Variants in CSMD1 observed in about 807,000 individuals in gnomAD.
CSMD1 encodes the protein CUB and Sushi multiple domains 1, also known as CUB and sushi domain-containing protein 1.
Under a neutral mutation model 417.5 loss-of-function variants are expected in CSMD1, and 213 were observed. The observed-to-expected ratio is 0.51, with a 90% CI of 0.46 to 0.57. The LOEUF (loss-of-function observed/expected upper bound fraction) is 0.57, where lower values mean the gene tolerates loss of function less well. Ranked by LOEUF, CSMD1 falls within the 20% of genes least tolerant of loss-of-function variation. CSMD1 has a pLI of 0.00. For synonymous variants in CSMD1, 2,862 were observed against 1,736.8 expected, an observed-to-expected ratio of 1.65 and a Z score of -16.11; for missense variants, 6,923 against 4,529.7, an observed-to-expected ratio of 1.53 and a Z score of -15.17.
At position 4,755,050 on chromosome 8, in the gene CSMD1, A is replaced by C. The variant is rs370331437; in HGVS notation, c.86-117492T>G. On this transcript the variant is annotated intron_variant, in intron 1 of 69. Transcript: ENST00000635120. ...CTACTTGGGAGGCTGAGGCAGAAGAATTGCTTGAACCCGGGAGGCGGAAGT... is the reference window on the plus strand; with the variant it reads ...CTACTTGGGAGGCTGAGGCAGAAGACTTGCTTGAACCCGGGAGGCGGAAGT... Among the ~76,000 whole-genome samples, 17 of 150,420 alleles carry C rather than the reference A, an allele frequency of 1.1e-4. No homozygotes were observed. The South Asian group carries it at 3.2e-3, about 28-fold the overall frequency.
chr8:4,511,733 G>C (rs1048920893), intron 2 of CSMD1, among the ~76,000 whole-genome samples: 6 of 152,130 alleles, frequency 3.9e-5, no homozygotes, highest in African/African-American at 1.4e-4. Context: ...TGTTCCCCAA[G>C]AGAACTCAGT....
rs147316003 is a variant in CSMD1, at chr8:3,297,089, C to T, written c.3950+10606G>A. On this transcript the variant is annotated intron_variant, in intron 25 of 69. Transcript: ENST00000635120. ...CATATGTTTGCCATTAAGCAGAAAG[C>T]ATCCTAGAGCTGGAAATAATTCTAA... Among the ~76,000 whole-genome samples, 102 of 152,280 alleles carry T rather than the reference C, an allele frequency of 6.7e-4. 1 individual carries two copies. The highest frequency in any genetic ancestry group is 2.3e-3 in the African/African-American group (95 of 41,564).
chr8:4,004,766 A>G (rs528704744), intron 4 of CSMD1, among the ~76,000 whole-genome samples: 1 of 151,944 alleles, frequency 6.6e-6, no homozygotes, highest in Non-Finnish European at 1.5e-5. Context: ...TGTTTTTGAG[A>G]TGGCGTCTCA....
chr8:4,277,604 A>C (rs1020076838), intron 3 of CSMD1, among the ~76,000 whole-genome samples: 5 of 152,182 alleles, frequency 3.3e-5, no homozygotes, highest in African/African-American at 1.2e-4. Flanking sequence ...GTTCACTATG[A>C]GGTGTCTCAT....
chr8:3,903,389 T>C (rs559658768), intron 5 of CSMD1, among the ~76,000 whole-genome samples: 24 of 152,266 alleles, frequency 1.6e-4, no homozygotes, highest in African/African-American at 5.8e-4. Flanking sequence ...TATGTCATTA[T>C]CATAAGCTTT....
intron 11 of CSMD1, among the ~76,000 whole-genome samples, chr8:3,491,757 T>C (rs1818393009): frequency 6.6e-6 from 1 of 152,210 alleles, no homozygotes; most frequent in African/African-American, 2.4e-5. Flanking sequence ...ACAGACTGCA[T>C]CTTTTTACTA....
intron 3 of CSMD1, among the ~76,000 whole-genome samples, chr8:4,201,441 G>A (rs929336649): frequency 3.1e-4 from 46 of 150,708 alleles, no homozygotes; most frequent in Admixed American, 7.3e-4. Context: ...AGGAGGCTGA[G>A]GCAGGAGAAT....
At chr8:3,553,764 G>C (rs980327683) in intron 10 of CSMD1, among the ~76,000 whole-genome samples, 2 of 152,276 alleles carry the variant, frequency 1.3e-5, no homozygotes, top group East Asian at 1.9e-4. Flanking sequence ...AATCTAGAGA[G>C]ATGTTTATGT....
rs527802992 is a variant in CSMD1, at chr8:4,632,409, G to T, written c.302+4933C>A. On this transcript the variant is annotated intron_variant, in intron 2 of 69. Coordinates refer to ENST00000635120, the MANE Select transcript of CSMD1 (RefSeq NM_033225.6). ...ACCCTGTAATCCCAGTTACTCAGGAGGCTGAGACAGCAGAATTGCTTAAAC... is the reference window on the plus strand; with the variant it reads ...ACCCTGTAATCCCAGTTACTCAGGATGCTGAGACAGCAGAATTGCTTAAAC... Among the ~76,000 whole-genome samples, 4 of 152,252 alleles carry T rather than the reference G, an allele frequency of 2.6e-5. No individual in the cohort carries two copies. In the South Asian group the frequency reaches 8.3e-4, roughly 32 times the overall value.
intron 51 of CSMD1, among the ~76,000 whole-genome samples, chr8:3,025,837 A>G (rs1021968415): frequency 6.6e-6 from 1 of 152,254 alleles, no homozygotes; most frequent in Non-Finnish European, 1.5e-5. Context: ...TGTAATTGAT[A>G]TGTTATTTTA....
At chr8:4,550,487 T>A (rs1333989036) in intron 2 of CSMD1, among the ~76,000 whole-genome samples, 2 of 152,154 alleles carry the variant, frequency 1.3e-5, no homozygotes, top group African/African-American at 4.8e-5. Context: ...TACATCAGCT[T>A]ATTCTCTATC....
chr8:4,182,244 C>A (rs368054011), intron 3 of CSMD1, among the ~76,000 whole-genome samples: 1 of 151,998 alleles, frequency 6.6e-6, no homozygotes, highest in African/African-American at 2.4e-5. Context: ...AAGAAAAAAA[C>A]GGAATATATC....
intron 36 of CSMD1, among the ~76,000 whole-genome samples, chr8:3,184,841 G>C (rs760694822): frequency 3.9e-5 from 6 of 151,972 alleles, no homozygotes; most frequent in Admixed American, 6.6e-5. Flanking sequence ...ACCTTATCCG[G>C]ACCCTTAAAT....
intron 3 of CSMD1, among the ~76,000 whole-genome samples, chr8:4,392,436 A>C (rs1157119773): frequency 6.6e-6 from 1 of 152,108 alleles, no homozygotes; most frequent in Non-Finnish European, 1.5e-5. Context: ...AAGCCAAAGA[A>C]CGTAAACTTT....
intron 7 of CSMD1, among the ~76,000 whole-genome samples, chr8:3,640,520 G>A (rs1043341115): frequency 6.6e-6 from 1 of 152,154 alleles, no homozygotes; most frequent in Admixed American, 6.6e-5. Context: ...GGTTATCTCA[G>A]AAAAATGTGG....
At chr8:3,191,320 G>T (rs1585609180) in intron 33 of CSMD1, among the ~76,000 whole-genome samples, 2 of 152,256 alleles carry the variant, frequency 1.3e-5, no homozygotes, top group Admixed American at 6.5e-5. Flanking sequence ...GCCGGGCATG[G>T]TGGCACATGT....
chr8:3,678,977 C>G (rs1024858225), intron 7 of CSMD1, among the ~76,000 whole-genome samples: 1 of 152,112 alleles, frequency 6.6e-6, no homozygotes, highest in Non-Finnish European at 1.5e-5. Context: ...CACAGACAAG[C>G]AAATGCTGAG....
At chr8:3,892,823 C>G (rs1807075032) in intron 5 of CSMD1, among the ~76,000 whole-genome samples, 2 of 151,216 alleles carry the variant, frequency 1.3e-5, no homozygotes, top group Admixed American at 6.6e-5. Flanking sequence ...GCCATGACGC[C>G]CAAGTGCAGG....
chr8:4,646,326 G>C (rs868763176), intron 1 of CSMD1, among the ~76,000 whole-genome samples: 7 of 152,272 alleles, frequency 4.6e-5, no homozygotes, highest in Middle Eastern at 3.4e-3. Flanking sequence ...TCTTGGGTCA[G>C]TAGGATTGAG....
Sources: gnomAD v4.1 joint callset for allele counts (sites outside exome capture counted in the v4.1 genomes callset) on GRCh38, gnomAD v4.1.1 for gene constraint, MANE v1.5 for transcripts, NCBI Gene and HGNC (gene_info 2026-07-23, HGNC 2026-07-21) for gene names.